NCKAP5: variants seen among roughly 807,000 people sequenced by gnomAD.
NCKAP5 encodes the protein nck-associated protein 5.
Under a neutral mutation model 167.0 loss-of-function variants are expected in NCKAP5, and 92 were observed. The observed-to-expected ratio is 0.55, with a 90% confidence interval of 0.47 to 0.66. The LOEUF (loss-of-function observed/expected upper bound fraction) is 0.66. Among genes scored for constraint, NCKAP5 ranks in the 30% least tolerant of loss-of-function variants. NCKAP5 has a pLI of 0.00. For missense variants in NCKAP5, 2,378 were observed against 2,315.0 expected (o/e 1.03, Z -0.56); for synonymous variants, 891 against 877.4 (o/e 1.02, Z -0.27).
intron 11 of NCKAP5, among the ~76,000 whole-genome samples, chr2:132,812,942 A>T (rs984872377): frequency 2.0e-5 from 3 of 152,206 alleles, no homozygotes; most frequent in Non-Finnish European, 4.4e-5. Flanking sequence ...TGTCCCATTC[A>T]TAAGAGCTCT....
chr2:133,005,255 C>A (rs575314028), intron 6 of NCKAP5, among the ~76,000 whole-genome samples: 1 of 152,218 alleles, frequency 6.6e-6, no homozygotes, highest in Admixed American at 6.5e-5. Flanking sequence ...AATTTATGTT[C>A]AGAGATTGCC....
intron 5 of NCKAP5, among the ~76,000 whole-genome samples, chr2:133,180,461 G>C (rs78445664): frequency 0.06 from 9,157 of 151,918 alleles, 316 homozygotes; most frequent in African/African-American, 0.088. Context: ...TGCAGTCTCC[G>C]TAGTAGCTGG....
chr2:132,755,640 C>T (rs1426463766), intron 16 of NCKAP5, among the ~76,000 whole-genome samples: 4 of 151,870 alleles, frequency 2.6e-5, no homozygotes, highest in South Asian at 2.1e-4. Flanking sequence ...ACCAGCCTGA[C>T]CAACATGGTG....
At chr2:133,132,155 G>C (rs1278160136) in intron 5 of NCKAP5, among the ~76,000 whole-genome samples, 1 of 151,970 alleles carries the variant, frequency 6.6e-6, no homozygotes, top group Non-Finnish European at 1.5e-5. Context: ...AGGTGTGTTG[G>C]CGGGTGCCTA....
intron 3 of NCKAP5, among the ~76,000 whole-genome samples, chr2:133,320,598 G>T (rs1008119347): frequency 5.3e-5 from 8 of 151,972 alleles, no homozygotes; most frequent in Non-Finnish European, 1.0e-4. Flanking sequence ...CGTGGTGGTG[G>T]GCACCCGTAG....
At chr2:133,327,837 A>G (rs1377735222) in intron 3 of NCKAP5, among the ~76,000 whole-genome samples, 1 of 152,118 alleles carries the variant, frequency 6.6e-6, no homozygotes, top group Non-Finnish European at 1.5e-5. Context: ...AGTGCTTCTC[A>G]GTGGGGGATG....
At chr2:132,702,596 C>T (rs964743012) in intron 19 of NCKAP5, among the ~76,000 whole-genome samples, 8 of 152,144 alleles carry the variant, frequency 5.3e-5, no homozygotes, top group Admixed American at 3.9e-4. Flanking sequence ...AAGGCTCACA[C>T]AATGTGGAGA....
At chr2:133,329,753 A>C (rs745519299) in intron 3 of NCKAP5, among the ~76,000 whole-genome samples, 1 of 152,164 alleles carries the variant, frequency 6.6e-6, no homozygotes. Flanking sequence ...AATTCTCCAG[A>C]ATTTAAAAAA....
At chr2:133,033,312 G>GC (rs903133549) in intron 6 of NCKAP5, among the ~76,000 whole-genome samples, 2 of 152,194 alleles carry the variant, frequency 1.3e-5, no homozygotes, top group Non-Finnish European at 2.9e-5. Context: ...GGCTTGGGGT[G>GC]CCCCCAAAGG....
Position 132,784,414 on chromosome 2 carries a change from A to T in NCKAP5, c.2397T>A (p.Asn799Lys). 6.2e-7 allele frequency: 1 copy of T among 1,612,894 alleles called. No individual in the cohort carries two copies. Among genetic ancestry groups the T allele is most frequent in the Non-Finnish European group, 8.5e-7 (1 of 1,179,574 alleles). Residue 799 changes from asparagine (N) to lysine (K), a missense_variant, in exon 14 of 20, where the codon AAT (asparagine) becomes AAA (lysine). Physicochemically the swap from Asn to Lys is moderately conservative, Grantham distance 94. This residue lies in a region of NCKAP5 where 1,049 missense variants were observed against 1,023.4 expected (regional missense o/e 1.02). Coordinates refer to ENST00000409261, the MANE Select transcript of NCKAP5 (RefSeq NM_207363.3). ...SAPMGIYQKQ[N>K]LTKIPPRGKS... ...TGCCCCTGGGAGGTATTTTTGTCAG[A>T]TTTTGCTTTTGATAGATGCCCATGG...
intron 6 of NCKAP5, among the ~76,000 whole-genome samples, chr2:133,023,795 G>T (rs1241914780): frequency 6.6e-6 from 1 of 152,176 alleles, no homozygotes; most frequent in Non-Finnish European, 1.5e-5. Flanking sequence ...TTTGTTATGG[G>T]TGTGTAGTAT....
At chr2:133,617,957 T>C in the NCKAP5 span, among the ~76,000 whole-genome samples, 8 of 152,036 alleles carry the variant, frequency 5.3e-5, no homozygotes, top group African/African-American at 1.7e-4. Context: ...AAAACAGAGA[T>C]ATAGATCAAT....
chr2:132,764,903 T>C (rs1681319567), intron 16 of NCKAP5, among the ~76,000 whole-genome samples: 1 of 152,224 alleles, frequency 6.6e-6, no homozygotes, highest in Non-Finnish European at 1.5e-5. Context: ...ACATTAAATT[T>C]CTAAATTTTC....
At chr2:132,897,159 C>T (rs749829831) in intron 8 of NCKAP5, among the ~76,000 whole-genome samples, 5 of 152,180 alleles carry the variant, frequency 3.3e-5, no homozygotes, top group African/African-American at 1.2e-4. Context: ...TCACTTCTTC[C>T]TTTCCTTGAT....
intron 6 of NCKAP5, among the ~76,000 whole-genome samples, chr2:133,093,119 A>G (rs1559132036): frequency 1.3e-5 from 2 of 152,238 alleles, no homozygotes; most frequent in African/African-American, 4.8e-5. Flanking sequence ...TGCTTAGCAT[A>G]GTACCTAGGA....
chr2:133,454,425 C>CACTGTTAAATGCA (rs1330936384), intron 3 of NCKAP5, among the ~76,000 whole-genome samples: 2 of 151,952 alleles, frequency 1.3e-5, no homozygotes, highest in Non-Finnish European at 2.9e-5. Flanking sequence ...GCTCTAAGTG[C>CACTGTTAAATGCA]CTTTGAGATG....
intron 13 of NCKAP5, 36 bp from the exon 14 acceptor site, chr2:132,785,754 C>T (rs760645640): frequency 1.4e-6 from 2 of 1,415,838 alleles, no homozygotes; most frequent in East Asian, 5.0e-5. Context: ...AATGATTGAA[C>T]CATGTAGATC....
the NCKAP5 span, among the ~76,000 whole-genome samples, chr2:133,575,893 G>A: frequency 6.6e-6 from 1 of 152,184 alleles, no homozygotes; most frequent in Non-Finnish European, 1.5e-5. Context: ...ACATGGACTT[G>A]CATGTTCACA....
intron 3 of NCKAP5, among the ~76,000 whole-genome samples, chr2:133,354,101 G>T (rs1163035585): frequency 6.6e-6 from 1 of 152,216 alleles, no homozygotes; most frequent in Non-Finnish European, 1.5e-5. Context: ...CCCCTCAGGG[G>T]TTTGGGCAGT....
Sources: allele counts gnomAD v4.1 joint callset (sites outside exome capture counted in the v4.1 genomes callset), GRCh38; gene constraint gnomAD v4.1.1; regional missense constraint gnomAD v4.1.1; transcripts MANE v1.5; gene names NCBI Gene and HGNC (gene_info 2026-07-23, HGNC 2026-07-21).